The following KCNH2 variants were observed in gnomAD, a reference collection of about 807,000 sequenced individuals.
KCNH2 encodes the protein voltage-gated inwardly rectifying potassium channel KCNH2.
Under a neutral mutation model 95.9 loss-of-function variants are expected in KCNH2, and 35 were observed. That is an observed-to-expected ratio of 0.37 (90% confidence interval 0.28 to 0.48). KCNH2 has a LOEUF of 0.48. Among genes scored for constraint, KCNH2 ranks in the 20% least tolerant of loss-of-function variants. The probability of loss-of-function intolerance (pLI) is 0.99; values close to 1 mark genes in which losing one functional copy is unlikely to be tolerated. For missense variants in KCNH2, 1,274 were observed against 1,702.9 expected (o/e 0.75, Z 4.43); for synonymous variants, 786 against 754.7 (o/e 1.04, Z -0.68).
chr7:150,960,508 C>T (rs915442648), intron 2 of KCNH2, among the ~76,000 whole-genome samples: 4 of 152,178 alleles, frequency 2.6e-5, no homozygotes, highest in African/African-American at 7.2e-5. Flanking sequence ...TAGCACCAGC[C>T]GTTGTGTCAG....
chr7:150,959,775 C>T, intron 2 of KCNH2, 39 bp from the exon 3 acceptor site: 3 of 1,613,346 alleles, frequency 1.9e-6, no homozygotes. Context: ...GGCACCCACT[C>T]AGTGGGCAGA....
rs769553994 is a variant in KCNH2, at chr7:150,951,855, C to A, written c.1558-20G>T. Reference sequence around the variant, plus strand: ...GATCAGCTGGGGGACAGGGAAGGGGCACATTCCGTTGATGGGGCAAGGGGG... The same window carrying A: ...GATCAGCTGGGGGACAGGGAAGGGGAACATTCCGTTGATGGGGCAAGGGGG... On this transcript the variant is annotated intron_variant, in intron 6 of 14. Transcript: ENST00000262186. The A allele has an allele frequency of 1.3e-6, 2 of 1,552,592 alleles. No individual in the cohort carries two copies. Among genetic ancestry groups the A allele is most frequent in the Non-Finnish European group, 1.7e-6 (2 of 1,147,708 alleles).
rs1186090032 is a variant in KCNH2, at chr7:150,946,866, C to G, written c.3330+11G>C. The G allele has an allele frequency of 5.6e-6, 9 of 1,596,270 alleles. No homozygotes were observed. Among genetic ancestry groups the G allele is most frequent in the Non-Finnish European group, 7.7e-6 (9 of 1,168,328 alleles). On this transcript the variant is annotated intron_variant, in intron 14 of 14. Coordinates refer to ENST00000262186, the MANE Select transcript of KCNH2 (RefSeq NM_000238.4). This position sits in a 1 kb window ranked among gnomAD's most constrained non-coding sequence, Gnocchi z 6.5. The stretch of plus-strand genomic sequence containing the variant: ...GTCACGGTACATCGAGGAAGCAGGG[C>G]TGGAGCTTACCTGAGAAAGCGAGTC...
At position 150,950,384 on chromosome 7, in the gene KCNH2, T is replaced by C; in HGVS notation, c.2182A>G (p.Ile728Val). 2 of 1,611,704 alleles carry C rather than the reference T, an allele frequency of 1.2e-6. No individual in the cohort carries two copies. Among genetic ancestry groups the C allele is most frequent in the Non-Finnish European group, 1.7e-6 (2 of 1,179,210 alleles). Residue 728 changes from isoleucine (I) to valine (V), a missense_variant, in exon 9 of 15, where the codon ATC becomes GTC. Physicochemically the swap from Ile to Val is conservative, Grantham distance 29. Transcript: ENST00000262186. The part of the protein sequence containing the change: ...KGFPECLQAD[I>V]CLHLNRSLLQ... ...AGTGAGCGGTTCAGGTGCAGGCAGA[T>C]GTCAGCCTGCAGGCACTCAGGGAAG...
chr7:150,948,296 C>G, intron 11 of KCNH2, 148 bp downstream of exon 11: 9 of 718,102 alleles, frequency 1.3e-5, no homozygotes, highest in Non-Finnish European at 2.2e-5. Context: ...TGGGCAGCAT[C>G]TGGACAGCTG....
intron 1 of KCNH2, 53 bp downstream of exon 1, chr7:150,977,785 A>G: frequency 9.8e-7 from 1 of 1,016,234 alleles, no homozygotes; most frequent in Non-Finnish European, 1.4e-6. Flanking sequence ...CACTCGGAAG[A>G]GCTCGGCCCG....
chr7:150,958,086 G>A lies in KCNH2; in HGVS notation c.889C>T (p.Pro297Ser), dbSNP rs199472882. The part of the protein sequence containing the change: ...DIEAMRAGVL[P>S]PPPRHASTGA... ...GTGCTGGCGTGGCGCGGTGGCGGGG[G>A]CAGCACCCCGGCGCGCATGGCCTCG... Residue 297 changes from proline (P) to serine (S), a missense_variant, in exon 4 of 15, where the codon CCC becomes TCC. By Grantham distance (74) the Pro-to-Ser change is moderately conservative (BLOSUM62 -1). Around this residue, in one of 7 missense-constraint regions of KCNH2, gnomAD observed 392 missense variants for 429.9 expected, o/e 0.91. Transcript: ENST00000262186. 5.2e-5 allele frequency: 67 copies of A among 1,280,618 alleles called. No individual in the cohort carries two copies. Among genetic ancestry groups the A allele is most frequent in the Non-Finnish European group, 6.5e-5 (66 of 1,018,088 alleles). The allele number at this position is 1,280,618 out of a possible 1,614,324, so 79.3% of individuals were successfully genotyped here. A position where few individuals can be genotyped will look rare whatever the true frequency, so the allele number is the denominator to read the frequency against.
At position 150,947,874 on chromosome 7, in the gene KCNH2, C is replaced by T. The variant is rs1171773594; in HGVS notation, c.2697G>A (p.Thr899=). The T allele has an allele frequency of 8.5e-6, 13 of 1,530,382 alleles. No homozygotes were observed. Among genetic ancestry groups the T allele is most frequent in the South Asian group, 1.2e-5 (1 of 83,366 alleles). 94.8% of individuals were successfully genotyped at this position (1,530,382 alleles called of 1,614,324 possible). The stretch of plus-strand genomic sequence containing the variant: ...AGGCCGACACCTCCCCTGGCTGCTC[C>T]GTGTCTGTGGGAAACAGAGAATGGG... ...LSFRRRTDKD[T]EQPGEVSALG... The change falls in exon 12 of 15, where the codon ACG becomes ACA. Residue 899 remains threonine, a synonymous_variant. Coordinates refer to ENST00000262186, the MANE Select transcript of KCNH2 (RefSeq NM_000238.4).
In KCNH2 at chr7:150,958,047, C is replaced by T. The variant is rs1028810298; in HGVS notation, c.916+12G>A. 2 of 1,262,744 alleles carry T rather than the reference C, an allele frequency of 1.6e-6. No individual in the cohort carries two copies. Among genetic ancestry groups the T allele is most frequent in the African/African-American group, 3.1e-5 (2 of 64,512 alleles). 78.2% of individuals were successfully genotyped at this position (1,262,744 alleles called of 1,614,324 possible). ...GTGGGCTGGGGCGGAACGGGTCCCG[C>T]GGCGCCCTCACCGGTGCTGGCGTGG... On this transcript the variant is annotated intron_variant, in intron 4 of 14. Transcript: ENST00000262186.
rs1188097830 is a variant in KCNH2, at chr7:150,945,691, A to G, written c.3331-177T>C. 6.6e-6 allele frequency among the ~76,000 whole-genome samples: 1 copy of G among 152,026 alleles called. No homozygotes were observed. The highest frequency in any genetic ancestry group is 1.5e-5 in the Non-Finnish European group (1 of 67,992). ...AGAGCCAAGGCAGCGAGAGCAGGAC[A>G]GGGGCCACCAAGGGGAGGCACCAAG... On this transcript the variant is annotated intron_variant, in intron 14 of 14. Transcript: ENST00000262186. The surrounding 1 kb of genome is among the most constrained non-coding windows in gnomAD (Gnocchi z 5.6).
chr7:150,971,457 A>G (rs2117052194), intron 2 of KCNH2, among the ~76,000 whole-genome samples: 1 of 151,216 alleles, frequency 6.6e-6, no homozygotes, highest in South Asian at 2.1e-4. Flanking sequence ...AAGCTAATAG[A>G]CTCCTCTCCA....
Position 150,948,559 on chromosome 7 carries a change from G to T in KCNH2, c.2593-16C>A, listed in dbSNP as rs750751517. 1 of 1,605,988 alleles carries T rather than the reference G, an allele frequency of 6.2e-7. No individual in the cohort carries two copies. Among genetic ancestry groups the T allele is most frequent in the Admixed American group, 1.7e-5 (1 of 60,010 alleles). Reference sequence around the variant, plus strand: ...TCATGTTGGTCTGGAACCAAAATCAGTATCAGGGCCCTTTCAGTGCTCTCC... The same window carrying T: ...TCATGTTGGTCTGGAACCAAAATCATTATCAGGGCCCTTTCAGTGCTCTCC... On this transcript the variant is annotated splice_polypyrimidine_tract_variant and intron_variant, in intron 10 of 14. Coordinates refer to ENST00000262186, the MANE Select transcript of KCNH2 (RefSeq NM_000238.4).
chr7:150,949,628 C>T (rs1801056167), intron 9 of KCNH2: 2 of 1,090,894 alleles, frequency 1.8e-6, no homozygotes, highest in Non-Finnish European at 2.2e-6. Flanking sequence ...AAAGAGCTTG[C>T]TATATCTGCC....
At chr7:150,953,114 C>T (rs1456403375) in intron 5 of KCNH2, among the ~76,000 whole-genome samples, 2 of 152,156 alleles carry the variant, frequency 1.3e-5, no homozygotes, top group Non-Finnish European at 1.5e-5. Flanking sequence ...TCAGGCCACT[C>T]GGCAGGAACA....
At position 150,952,091 on chromosome 7, in the gene KCNH2, G is replaced by A. The variant is rs1053476497; in HGVS notation, c.1558-256C>T. 2.6e-5 allele frequency among the ~76,000 whole-genome samples: 4 copies of A among 152,138 alleles called. No individual in the cohort carries two copies. The highest frequency in any genetic ancestry group is 7.2e-5 in the African/African-American group (3 of 41,436). Reference sequence around the variant, plus strand: ...ACTGACAGGTGCAGTGATCACCCTAGGGTGCCTGCCCACTCCCACCAGCTT... The same window carrying A: ...ACTGACAGGTGCAGTGATCACCCTAAGGTGCCTGCCCACTCCCACCAGCTT... On this transcript the variant is annotated intron_variant, in intron 6 of 14. Coordinates refer to ENST00000262186, the MANE Select transcript of KCNH2 (RefSeq NM_000238.4). This position sits in a 1 kb window ranked among gnomAD's most constrained non-coding sequence, Gnocchi z 7.3.
intron 5 of KCNH2, chr7:150,955,467 C>A (rs1801336518): frequency 3.2e-6 from 5 of 1,559,436 alleles, no homozygotes; most frequent in South Asian, 2.4e-5. Context: ...GGCCGCAGAG[C>A]CCCTGTCCTG....
At chr7:150,948,409 C>T (rs760006095) in intron 11 of KCNH2, 35 bp downstream of exon 11, 9 of 1,117,038 alleles carry the variant, frequency 8.1e-6, no homozygotes, top group Non-Finnish European at 1.2e-5. Flanking sequence ...TCACCTTGTC[C>T]CCGCCCTCCC....
At chr7:150,958,984 T>C (rs1457408779) in intron 3 of KCNH2, among the ~76,000 whole-genome samples, 1 of 152,208 alleles carries the variant, frequency 6.6e-6, no homozygotes, top group Admixed American at 6.5e-5. Flanking sequence ...TTTGTCATGA[T>C]GCTGAGGGAA....
chr7:150,958,842 C>T (rs1352349851), intron 3 of KCNH2, among the ~76,000 whole-genome samples: 1 of 152,192 alleles, frequency 6.6e-6, no homozygotes. Flanking sequence ...ACAGCCAGTG[C>T]GTGGGGCCTG....
Sources: allele counts gnomAD v4.1 joint callset (sites outside exome capture counted in the v4.1 genomes callset), GRCh38; gene constraint gnomAD v4.1.1; regional missense constraint gnomAD v4.1.1; non-coding constraint Gnocchi (gnomAD v3.1); transcripts MANE v1.5; gene names NCBI Gene and HGNC (gene_info 2026-07-23, HGNC 2026-07-21).